Variants in TSPEAR observed in about 807,000 individuals in gnomAD.
The protein encoded by TSPEAR is thrombospondin-type laminin G domain and EAR repeat-containing protein.
In TSPEAR, 69 loss-of-function variants were observed where a neutral mutation model predicts 71.6. That is an observed-to-expected ratio of 0.96 (90% confidence interval 0.79 to 1.18). The LOEUF is 1.18. TSPEAR is among the 50% of genes most tolerant of loss of function. The pLI, the probability that TSPEAR is intolerant of heterozygous loss-of-function variation, is 0.00. For missense variants in TSPEAR, 971 were observed against 894.9 expected, an observed-to-expected ratio of 1.09 and a Z score of -1.09; for synonymous variants, 402 against 387.2, an observed-to-expected ratio of 1.04 and a Z score of -0.45.
In TSPEAR at chr21:44,509,238, G is replaced by GCC. The variant is rs1569151893; in HGVS notation, c.1714_1715insGG (p.Ala572GlyfsTer43). ...GTCCTGGAACTTGACAAAGGCCTGCGCGGTCACGTTCAGCTCGTAGATGAC... is the reference window on the plus strand; with the variant it reads ...GTCCTGGAACTTGACAAAGGCCTGCGCCCGGTCACGTTCAGCTCGTAGATGAC... On this transcript the variant is annotated frameshift_variant, in exon 10 of 12. Transcript: ENST00000323084. LOFTEE classifies it high-confidence loss of function. The GCC allele has an allele frequency of 6.2e-7, 1 of 1,614,020 alleles. No individual in the cohort carries two copies. Among genetic ancestry groups the GCC allele is most frequent in the East Asian group, 2.2e-5 (1 of 44,866 alleles).
At chr21:44,696,351 A>G (rs187080860) in intron 1 of TSPEAR, among the ~76,000 whole-genome samples, 1 of 152,348 alleles carries the variant, frequency 6.6e-6, no homozygotes, top group Non-Finnish European at 1.5e-5. Context: ...GGCTAAGAAC[A>G]TAGAATACGG....
At chr21:44,596,062 G>C (rs1555927579) in intron 1 of TSPEAR, among the ~76,000 whole-genome samples, 1 of 152,204 alleles carries the variant, frequency 6.6e-6, no homozygotes, top group African/African-American at 2.4e-5. Flanking sequence ...GGCTGTATTG[G>C]AGTGTCTCAT....
Position 44,499,920 on chromosome 21 carries a change from C to CACAGTTTGGCAGGGCTGAGTAAAATGAAA in TSPEAR, c.1872_1873insTTTCATTTTACTCAGCCCTGCCAAACTGT (p.Gly625PhefsTer52). 1 of 1,606,836 alleles carries CACAGTTTGGCAGGGCTGAGTAAAATGAAA rather than the reference C, an allele frequency of 6.2e-7. No individual in the cohort carries two copies. The highest frequency in any genetic ancestry group is 1.3e-5 in the African/African-American group (1 of 74,652). On this transcript the variant is annotated frameshift_variant, in exon 12 of 12. Coordinates refer to ENST00000323084, the MANE Select transcript of TSPEAR (RefSeq NM_144991.3). LOFTEE classifies it high-confidence loss of function. ...GGGAGGCTGTGCACCGCCACGAAGC[C>CACAGTTTGGCAGGGCTGAGTAAAATGAAA]CTCGTAGCCCTGCCACCTGCGGAAC...
At chr21:44,672,904 CT>C (rs1986130519) in intron 1 of TSPEAR, among the ~76,000 whole-genome samples, 1 of 152,190 alleles carries the variant, frequency 6.6e-6, no homozygotes, top group Non-Finnish European at 1.5e-5. Flanking sequence ...TCCCATTTGC[CT>C]TTTGCATTAA....
intron 1 of TSPEAR, among the ~76,000 whole-genome samples, chr21:44,674,118 CA>C (rs35708048): frequency 9.6e-4 from 132 of 136,906 alleles, no homozygotes; most frequent in South Asian, 6.9e-3. Context: ...GACTCCATCT[CA>C]AAAAAAAAAA....
At chr21:44,702,629 A>T in intron 1 of TSPEAR, 1 of 1,599,510 alleles carries the variant, frequency 6.3e-7, no homozygotes, top group Non-Finnish European at 8.6e-7. Context: ...CTCCTCTGCC[A>T]CCCTGTGTGC....
intron 1 of TSPEAR, among the ~76,000 whole-genome samples, chr21:44,635,375 A>T (rs1478248273): frequency 1.3e-5 from 2 of 148,722 alleles, no homozygotes; most frequent in Admixed American, 6.7e-5. Flanking sequence ...AAGAATGTTT[A>T]TAGAAGCACT....
intron 1 of TSPEAR, chr21:44,697,219 C>T (rs191466912): frequency 5.0e-5 from 80 of 1,613,890 alleles, no homozygotes; most frequent in Admixed American, 6.7e-5. Flanking sequence ...TCTGCTCCAG[C>T]GACCTGAGCT....
At chr21:44,535,918 GAAA>G (rs57116003) in intron 2 of TSPEAR, among the ~76,000 whole-genome samples, 1 of 145,014 alleles carries the variant, frequency 6.9e-6, no homozygotes, top group African/African-American at 2.6e-5. Flanking sequence ...AAGGAAAAAA[GAAA>G]AAAAAAAACT....
rs587599180 is a variant in TSPEAR at position 44,509,589 on chromosome 21, A to G, written c.1567-203T>C. On this transcript the variant is annotated intron_variant, in intron 9 of 11. Transcript: ENST00000323084. ...CAGAGGTGTGGGAGAGCGGGCGCAG[A>G]GGTGTGAGTGAGCAGCACTCTCCCT... 4.1e-4 allele frequency among the ~76,000 whole-genome samples: 62 copies of G among 151,290 alleles called. No homozygotes were observed. In the South Asian group the frequency reaches 6.7e-3, roughly 16 times the overall value.
At chr21:44,680,577 A>T (rs1351932049) in intron 1 of TSPEAR, among the ~76,000 whole-genome samples, 1 of 152,232 alleles carries the variant, frequency 6.6e-6, no homozygotes, top group African/African-American at 2.4e-5. Context: ...TATCAAAAAG[A>T]TACCTGCACC....
In TSPEAR at chr21:44,506,649, C is replaced by T. The variant is rs150969930; in HGVS notation, c.1755-1768G>A. 3.8e-3 allele frequency among the ~76,000 whole-genome samples: 572 copies of T among 152,326 alleles called. 2 individuals carry two copies. Among genetic ancestry groups the T allele is most frequent in the African/African-American group, 0.013 (540 of 41,572 alleles). ...GTTATGATTTGGTTCCCATGCAGCC[C>T]GTGCCAGCTCGCTGGGAGGAGGACG... is the stretch of plus-strand genomic sequence containing the variant. On this transcript the variant is annotated intron_variant, in intron 10 of 11. Transcript: ENST00000323084. This position sits in a 1 kb window ranked among gnomAD's most constrained non-coding sequence, Gnocchi z 4.2.
chr21:44,513,134 C>T (rs915496385), intron 9 of TSPEAR, among the ~76,000 whole-genome samples: 4 of 152,358 alleles, frequency 2.6e-5, no homozygotes, highest in African/African-American at 4.8e-5. Flanking sequence ...AGAACCCCCA[C>T]GGGGTGTCAC....
chr21:44,503,622 G>GGCCGGCCTTGGTGAGCCCTTGGGGGGAA (rs2052104742), intron 11 of TSPEAR, among the ~76,000 whole-genome samples: 1 of 128,402 alleles, frequency 7.8e-6, no homozygotes, highest in Non-Finnish European at 1.6e-5. Context: ...GCTGGGAGGA[G>GGCCGGCCTTGGTGAGCCCTTGGGGGGAA]GCCGGCCTTG....
At position 44,509,010 on chromosome 21, in the gene TSPEAR, T is replaced by C; in HGVS notation, c.1754+189A>G. On this transcript the variant is annotated intron_variant, in intron 10 of 11. Transcript: ENST00000323084. ...ACCTGTGTCTCAGGGCGGCACTGAC[T>C]TCCCCAGGCCAGGAAAGTCCCCAGG... 2.0e-6 allele frequency: 3 copies of C among 1,495,266 alleles called. No homozygotes were observed. The South Asian group carries it at 3.6e-5, about 18-fold the overall frequency. 92.6% of individuals were successfully genotyped at this position (1,495,266 alleles called of 1,614,324 possible). A position where few individuals can be genotyped will look rare whatever the true frequency, so the allele number is the denominator to read the frequency against.
chr21:44,657,770 G>T (rs1250212076), intron 1 of TSPEAR, among the ~76,000 whole-genome samples: 1 of 152,162 alleles, frequency 6.6e-6, no homozygotes. Context: ...CTAACCTCAA[G>T]GCCGAAGCTA....
chr21:44,710,805 G>C lies in TSPEAR; in HGVS notation c.82+628C>G, dbSNP rs914989782. Among the ~76,000 whole-genome samples, 4 of 152,212 alleles carry C rather than the reference G, an allele frequency of 2.6e-5. No individual in the cohort carries two copies. Among genetic ancestry groups the C allele is most frequent in the African/African-American group, 9.7e-5 (4 of 41,440 alleles). ...GTCATGGTCATGAGCAAGCCAAACA[G>C]CCTTTCTAAAAGGTGGGAAGGAGAC... On this transcript the variant is annotated intron_variant, in intron 1 of 11. Transcript: ENST00000323084. This position sits in a 1 kb window ranked among gnomAD's most constrained non-coding sequence, Gnocchi z 4.6.
chr21:44,647,675 T>TG, intron 1 of TSPEAR: 1 of 398,566 alleles, frequency 2.5e-6, no homozygotes, highest in South Asian at 3.0e-5. Context: ...CACTTTCTGC[T>TG]CTTCCCCTGA....
chr21:44,649,805 T>C (rs1984667362), intron 1 of TSPEAR, among the ~76,000 whole-genome samples: 1 of 152,122 alleles, frequency 6.6e-6, no homozygotes, highest in South Asian at 2.1e-4. Context: ...GGATTCTCAG[T>C]GGACTCTTCC....
Sources: allele counts gnomAD v4.1 joint callset (sites outside exome capture counted in the v4.1 genomes callset), GRCh38; gene constraint gnomAD v4.1.1; non-coding constraint Gnocchi (gnomAD v3.1); transcripts MANE v1.5; gene names NCBI Gene and HGNC (gene_info 2026-07-23, HGNC 2026-07-21).